The following DLG2 variants were observed in gnomAD, a reference collection of about 807,000 sequenced individuals.
The protein encoded by DLG2 is disks large homolog 2.
In DLG2, 45 loss-of-function variants were observed where a neutral mutation model predicts 132.5. That is an observed-to-expected ratio of 0.34 (90% CI 0.27 to 0.44). DLG2 has a LOEUF of 0.44. Ranked by LOEUF, DLG2 falls within the 20% of genes least tolerant of loss-of-function variation. DLG2 has a pLI of 1.00. For synonymous variants in DLG2, 424 were observed against 419.6 expected (o/e 1.01, Z -0.13); for missense variants, 1,045 against 1,196.9 (o/e 0.87, Z 1.87).
chr11:83,673,568 T>C (rs186647867), intron 18 of DLG2, among the ~76,000 whole-genome samples: 10 of 152,332 alleles, frequency 6.6e-5, no homozygotes, highest in African/African-American at 2.4e-4. Flanking sequence ...CTAGCACTTT[T>C]TTGTTCGATT....
intron 6 of DLG2, among the ~76,000 whole-genome samples, chr11:84,717,085 A>G (rs1271551740): frequency 2.0e-5 from 3 of 152,010 alleles, no homozygotes. Flanking sequence ...AGCTCAAATT[A>G]CTCAGCATCC....
chr11:85,073,755 T>C (rs1443719445), intron 6 of DLG2, among the ~76,000 whole-genome samples: 2 of 151,900 alleles, frequency 1.3e-5, no homozygotes, highest in East Asian at 1.9e-4. Flanking sequence ...ATTGGGCATA[T>C]ATCCAAAGGA....
chr11:84,380,594 AT>A, intron 7 of DLG2, among the ~76,000 whole-genome samples: 1 of 151,996 alleles, frequency 6.6e-6, no homozygotes, highest in Admixed American at 6.6e-5. Context: ...AAGAAAACTT[AT>A]AGCCTTAAGT....
At chr11:85,141,176 C>T (rs2076445374) in intron 5 of DLG2, among the ~76,000 whole-genome samples, 1 of 151,716 alleles carries the variant, frequency 6.6e-6, no homozygotes, top group South Asian at 2.1e-4. Context: ...CTAATTTATA[C>T]TCCCATAAAC....
chr11:84,797,448 C>CA (rs2074788869), intron 6 of DLG2, among the ~76,000 whole-genome samples: 1 of 152,128 alleles, frequency 6.6e-6, no homozygotes, highest in South Asian at 2.1e-4. Context: ...TGTGAATTTT[C>CA]AAATAGCCTG....
intron 3 of DLG2, among the ~76,000 whole-genome samples, chr11:85,359,507 A>G (rs2083982011): frequency 6.6e-6 from 1 of 152,208 alleles, no homozygotes; most frequent in African/African-American, 2.4e-5. Context: ...TTTAATCACA[A>G]ATCTGATGTG....
At chr11:84,525,721 G>A (rs2154518838) in intron 7 of DLG2, among the ~76,000 whole-genome samples, 1 of 152,100 alleles carries the variant, frequency 6.6e-6, no homozygotes, top group East Asian at 1.9e-4. Context: ...ACAAGGTGAA[G>A]TCCAGTCTCT....
At position 84,908,552 on chromosome 11, in the gene DLG2, C is replaced by T. The variant is rs549455196; in HGVS notation, c.357+203109G>A. 9.2e-5 allele frequency among the ~76,000 whole-genome samples: 14 copies of T among 152,088 alleles called. No homozygotes were observed. The Middle Eastern group carries it at 0.014, about 148-fold the overall frequency. ...TTTATTGTTATGGCTGAATTTGATA[C>T]AGATTTTTAAGGCTTTGATTCTCAG... On this transcript the variant is annotated intron_variant, in intron 6 of 27. Transcript: ENST00000376104.
chr11:85,233,738 A>G (rs576267517), intron 4 of DLG2, among the ~76,000 whole-genome samples: 2 of 149,320 alleles, frequency 1.3e-5, no homozygotes, highest in African/African-American at 4.9e-5. Flanking sequence ...TAGTTTTTCA[A>G]GATTGCTGCA....
At position 84,649,546 on chromosome 11, in the gene DLG2, C is replaced by T. The variant is rs142265414; in HGVS notation, c.358-114815G>A. On this transcript the variant is annotated intron_variant, in intron 6 of 27. Transcript: ENST00000376104. ...ATGAATTAGGTGTTAATGCATAAAGCTACTCATAGTGGCTATGATTTGTGT... is the reference window on the plus strand; with the variant it reads ...ATGAATTAGGTGTTAATGCATAAAGTTACTCATAGTGGCTATGATTTGTGT... Among the ~76,000 whole-genome samples the T allele has an allele frequency of 2.9e-3, 439 of 152,260 alleles. 1 individual carries two copies. Among genetic ancestry groups the T allele is most frequent in the African/African-American group, 9.7e-3 (402 of 41,554 alleles).
chr11:84,942,863 T>C (rs997906561), intron 6 of DLG2, among the ~76,000 whole-genome samples: 1 of 152,210 alleles, frequency 6.6e-6, no homozygotes, highest in Non-Finnish European at 1.5e-5. Context: ...TCCCTCTCTT[T>C]GGCTTTAATA....
chr11:84,593,560 C>A (rs891806459), intron 6 of DLG2, among the ~76,000 whole-genome samples: 9 of 152,280 alleles, frequency 5.9e-5, no homozygotes, highest in Admixed American at 5.9e-4. Context: ...GAAAACCAAA[C>A]ACCACATGTT....
chr11:84,409,091 C>T (rs1230904670), intron 7 of DLG2, among the ~76,000 whole-genome samples: 1 of 152,196 alleles, frequency 6.6e-6, no homozygotes, highest in Non-Finnish European at 1.5e-5. Flanking sequence ...TTTCCTTGCA[C>T]ATTATGTTCT....
intron 3 of DLG2, among the ~76,000 whole-genome samples, chr11:85,332,769 G>A (rs184293972): frequency 1.1e-4 from 16 of 152,156 alleles, no homozygotes; most frequent in African/African-American, 1.2e-4. Flanking sequence ...GACTGTAGGT[G>A]TGTGGATTTA....
At chr11:84,502,885 G>A (rs2099225447) in intron 7 of DLG2, among the ~76,000 whole-genome samples, 1 of 152,182 alleles carries the variant, frequency 6.6e-6, no homozygotes, top group South Asian at 2.1e-4. Context: ...GGACAATAAA[G>A]TAAATGCATC....
rs148811610 is a variant in DLG2, at chr11:85,473,490, T to G, written c.40+125167A>C. The stretch of plus-strand genomic sequence containing the variant: ...AAAAGAACTATATTTTTTAAAAAAT[T>G]TAATGAAGAAAAACATTGAACATGA... On this transcript the variant is annotated intron_variant, in intron 3 of 27. Transcript: ENST00000376104. Among the ~76,000 whole-genome samples the G allele has an allele frequency of 6.0e-4, 91 of 152,250 alleles. 1 individual carries two copies. The East Asian group carries it at 0.016, about 26-fold the overall frequency.
At chr11:84,956,441 C>T (rs569257696) in intron 6 of DLG2, among the ~76,000 whole-genome samples, 1 of 152,252 alleles carries the variant, frequency 6.6e-6, no homozygotes, top group African/African-American at 2.4e-5. Flanking sequence ...AGATTTGAAC[C>T]AGGTCATATT....
At chr11:84,318,685 G>C (rs2098383632) in intron 7 of DLG2, among the ~76,000 whole-genome samples, 1 of 152,124 alleles carries the variant, frequency 6.6e-6, no homozygotes, top group African/African-American at 2.4e-5. Flanking sequence ...CCATATAAGG[G>C]TACTTTTCCA....
At chr11:84,601,891 A>G (rs1709800355) in intron 6 of DLG2, among the ~76,000 whole-genome samples, 1 of 152,026 alleles carries the variant, frequency 6.6e-6, no homozygotes, top group Non-Finnish European at 1.5e-5. Flanking sequence ...CTGAGCCCCA[A>G]ATGAATACAC....
Sources: allele counts gnomAD v4.1 joint callset (sites outside exome capture counted in the v4.1 genomes callset), GRCh38; gene constraint gnomAD v4.1.1; transcripts MANE v1.5; gene names NCBI Gene and HGNC (gene_info 2026-07-23, HGNC 2026-07-21).